Variants in THADA observed in about 807,000 individuals in gnomAD.
The protein encoded by THADA is THADA armadillo repeat containing.
Under a neutral mutation model 219.8 loss-of-function variants are expected in THADA, and 213 were observed. That is an observed-to-expected ratio of 0.97 (90% CI 0.87 to 1.09). THADA has a LOEUF of 1.09. Ranked by LOEUF, THADA falls within the 50% of genes least tolerant of loss-of-function variation. The pLI is 0.00. For synonymous variants in THADA, 1,018 were observed against 828.9 expected (o/e 1.23, Z -3.92); for missense variants, 2,956 against 2,311.3 (o/e 1.28, Z -5.72).
chr2:43,273,837 G>C (rs6708167), intron 36 of THADA, among the ~76,000 whole-genome samples: 28,396 of 152,074 alleles, frequency 0.19, 2,758 homozygotes, highest in South Asian at 0.28. Context: ...CATATGAGAA[G>C]TGTTCATCCT....
At chr2:43,573,458 C>T (rs910348863) in intron 11 of THADA, among the ~76,000 whole-genome samples, 3 of 152,138 alleles carry the variant, frequency 2.0e-5, no homozygotes, top group South Asian at 4.1e-4. Flanking sequence ...GAGGCTAGGA[C>T]GTCAGCCATT....
chr2:43,431,545 A>C (rs908916810), intron 26 of THADA, among the ~76,000 whole-genome samples: 6 of 151,628 alleles, frequency 4.0e-5, no homozygotes, highest in Admixed American at 3.9e-4. Flanking sequence ...GGCTCACTGC[A>C]ACCTCCATCT....
In THADA at chr2:43,453,072, G is replaced by GA. The variant is rs367853010; in HGVS notation, c.3837-22771dup. On this transcript the variant is annotated intron_variant, in intron 26 of 37. Transcript: ENST00000405975. Reference sequence around the variant, plus strand: ...CACTCAGGCTGAGACTTATTTACAAGAAAAATAAACAAACAAACAAAAAAC... The same window carrying GA: ...CACTCAGGCTGAGACTTATTTACAAGAAAAAATAAACAAACAAACAAAAAAC... Among the ~76,000 whole-genome samples, 403 of 152,210 alleles carry GA rather than the reference G, an allele frequency of 2.6e-3. 2 individuals carry two copies. The highest frequency in any genetic ancestry group is 9.5e-3 in the African/African-American group (396 of 41,536).
intron 15 of THADA, chr2:43,565,197 G>A (rs996659904): frequency 6.6e-6 from 1 of 152,170 alleles, no homozygotes; most frequent in African/African-American, 2.4e-5. Flanking sequence ...CAGCACTTTG[G>A]GAGACTAAGC....
At chr2:43,238,041 C>T (rs1572719693) in intron 36 of THADA, among the ~76,000 whole-genome samples, 1 of 141,368 alleles carries the variant, frequency 7.1e-6, no homozygotes, top group South Asian at 2.3e-4. Context: ...GTTGCTTGAA[C>T]CCAGGAGGTG....
intron 21 of THADA, chr2:43,538,637 T>C (rs1694909334): frequency 6.6e-6 from 1 of 152,158 alleles, no homozygotes; most frequent in Non-Finnish European, 1.5e-5. Flanking sequence ...GGCAGCACTG[T>C]GCCATGTCAG....
chr2:43,417,210 C>T (rs893046255), intron 28 of THADA, among the ~76,000 whole-genome samples: 3 of 150,474 alleles, frequency 2.0e-5, no homozygotes, highest in South Asian at 2.1e-4. Flanking sequence ...TTCAAAATTA[C>T]GTAAAGCAGT....
chr2:43,360,444 C>T (rs1669375299), intron 29 of THADA, among the ~76,000 whole-genome samples: 1 of 152,248 alleles, frequency 6.6e-6, no homozygotes, highest in South Asian at 2.1e-4. Context: ...CCAATGACTA[C>T]AGGTCCTCAA....
At chr2:43,332,662 G>A (rs908210154) in intron 30 of THADA, among the ~76,000 whole-genome samples, 3 of 152,204 alleles carry the variant, frequency 2.0e-5, no homozygotes, top group Non-Finnish European at 2.9e-5. Context: ...ATAATATTAT[G>A]AGAATGTGCT....
chr2:43,485,137 G>A (rs566653876), intron 26 of THADA, 97 bp downstream of exon 26: 10 of 855,254 alleles, frequency 1.2e-5, no homozygotes, highest in Non-Finnish European at 1.9e-5. Context: ...TGCTCTAGAT[G>A]AATCTATAAC....
At chr2:43,444,131 C>A (rs200241256) in intron 26 of THADA, among the ~76,000 whole-genome samples, 1 of 152,188 alleles carries the variant, frequency 6.6e-6, no homozygotes, top group Non-Finnish European at 1.5e-5. Flanking sequence ...CTAAAAATCA[C>A]CACGAACTTA....
intron 29 of THADA, among the ~76,000 whole-genome samples, chr2:43,349,091 A>T (rs1667965535): frequency 6.6e-6 from 1 of 152,152 alleles, no homozygotes; most frequent in African/African-American, 2.4e-5. Context: ...ATCATCCATG[A>T]CTATCATAGG....
chr2:43,582,300 C>G (rs1700543278), intron 7 of THADA, among the ~76,000 whole-genome samples: 1 of 152,026 alleles, frequency 6.6e-6, no homozygotes. Context: ...AGTTTGGGAC[C>G]AGCTTGGCCA....
intron 36 of THADA, among the ~76,000 whole-genome samples, chr2:43,248,148 TATATATATATATATATAGAGAGAGAGAG>T (rs1669369268): frequency 9.8e-5 from 9 of 92,216 alleles, no homozygotes; most frequent in African/African-American, 3.5e-4. Context: ...TATATATATA[TATATATATATATATATAGAGAGAGAGAG>T]AGAGAGAGAG....
intron 21 of THADA, among the ~76,000 whole-genome samples, chr2:43,539,247 C>G (rs1314886101): frequency 1.3e-5 from 2 of 152,228 alleles, no homozygotes; most frequent in Non-Finnish European, 2.9e-5. Context: ...AGGCACAGAT[C>G]TAGCTTTGCC....
At chr2:43,295,712 A>C (rs1254838412) in intron 31 of THADA, among the ~76,000 whole-genome samples, 2 of 146,692 alleles carry the variant, frequency 1.4e-5, no homozygotes, top group Non-Finnish European at 3.0e-5. Flanking sequence ...CATATGTAAA[A>C]CATTCAGGTA....
intron 22 of THADA, among the ~76,000 whole-genome samples, chr2:43,518,024 T>G (rs894929931): frequency 1.3e-5 from 2 of 152,206 alleles, no homozygotes; most frequent in African/African-American, 4.8e-5. Flanking sequence ...TTTAGTCTAG[T>G]AGGAAAGAAT....
At chr2:43,308,889 G>C (rs755269110) in intron 31 of THADA, among the ~76,000 whole-genome samples, 2 of 151,992 alleles carry the variant, frequency 1.3e-5, no homozygotes, top group African/African-American at 2.4e-5. Context: ...AGTTTTGAGG[G>C]AGCATCTTTG....
At chr2:43,561,587 A>T (rs916087252) in intron 15 of THADA, among the ~76,000 whole-genome samples, 2 of 152,286 alleles carry the variant, frequency 1.3e-5, no homozygotes, top group African/African-American at 4.8e-5. Context: ...AATTTGAGGA[A>T]TATAAATTGG....
Sources: allele counts gnomAD v4.1 joint callset (sites outside exome capture counted in the v4.1 genomes callset), GRCh38; gene constraint gnomAD v4.1.1; transcripts MANE v1.5; gene names NCBI Gene and HGNC (gene_info 2026-07-23, HGNC 2026-07-21).